Variants in ANO1 observed in about 807,000 individuals in gnomAD.
The protein encoded by ANO1 is anoctamin 1, also known as anoctamin-1.
Under a neutral mutation model 124.0 loss-of-function variants are expected in ANO1, and 59 were observed. That is an observed-to-expected ratio of 0.48 (90% CI 0.39 to 0.59). The LOEUF is 0.59. ANO1 is among the 20% of genes least tolerant of loss of function. ANO1 has a pLI of 0.00. For synonymous variants in ANO1, 529 were observed against 532.0 expected, an observed-to-expected ratio of 0.99 and a Z score of 0.08; for missense variants, 1,059 against 1,328.0, an observed-to-expected ratio of 0.80 and a Z score of 3.15.
intron 10 of ANO1, among the ~76,000 whole-genome samples, chr11:70,128,750 G>C (rs1356031289): frequency 6.6e-6 from 1 of 152,228 alleles, no homozygotes; most frequent in Non-Finnish European, 1.5e-5. Flanking sequence ...AGAGCTTCCT[G>C]CTCTTTGTAT....
chr11:70,108,152 C>T lies in ANO1; in HGVS notation c.748-201C>T, dbSNP rs942404081. The T allele has an allele frequency of 1.6e-5, 8 of 509,304 alleles. No individual in the cohort carries two copies. In the South Asian group the frequency reaches 2.9e-4, roughly 19 times the overall value. The allele number at this position is 509,304 out of a possible 1,614,324, so 31.5% of individuals were successfully genotyped here. On this transcript the variant is annotated intron_variant, in intron 5 of 25. Coordinates refer to ENST00000355303, the MANE Select transcript of ANO1 (RefSeq NM_018043.7). The stretch of plus-strand genomic sequence containing the variant: ...GGTGCACCTGTTTCTCCCTGAGAAG[C>T]TCAAGCCTTTGACAGTGTTGAGAAT...
chr11:69,970,227 C>T, the ANO1 span, among the ~76,000 whole-genome samples: 21 of 152,326 alleles, frequency 1.4e-4, no homozygotes, highest in East Asian at 3.5e-3. Flanking sequence ...TGAGGCTCCA[C>T]ATCAGAAGCC....
At chr11:70,180,331 G>C (rs575561403) in intron 23 of ANO1, among the ~76,000 whole-genome samples, 2 of 152,054 alleles carry the variant, frequency 1.3e-5, no homozygotes, top group Admixed American at 1.3e-4. Context: ...GCAGTACAGT[G>C]GCACGATCTC....
rs1406864064 is a variant in ANO1 at position 70,103,121 on chromosome 11, G to T, written c.497G>T (p.Cys166Phe). Residue 166 changes from cysteine (C) to phenylalanine (F), a missense_variant, in exon 3 of 26, where the codon TGC becomes TTC. This residue lies in a region of ANO1 where 250 missense variants were observed against 233.1 expected (regional missense o/e 1.07). Transcript: ENST00000355303. ...ATCCATGCCCCCTGGAACGTGCTGT[G>T]CAGAGAGGCCGAGTTTCTGAAACTG... is the stretch of plus-strand genomic sequence containing the variant. ...VKIHAPWNVL[C>F]REAEFLKLKM... is the part of the protein sequence containing the mutation. 4 of 1,612,974 alleles carry T rather than the reference G, an allele frequency of 2.5e-6. No individual in the cohort carries two copies. The highest frequency in any genetic ancestry group is 3.4e-6 in the Non-Finnish European group (4 of 1,179,516).
At chr11:69,975,018 GGGAGGGGCTGGAGCT>G in the ANO1 span, among the ~76,000 whole-genome samples, 3 of 152,222 alleles carry the variant, frequency 2.0e-5, no homozygotes, top group Non-Finnish European at 4.4e-5. Context: ...GAGGCAGCCT[GGGAGGGGCTGGAGCT>G]GGAGGGGCTG....
intron 1 of ANO1, among the ~76,000 whole-genome samples, chr11:69,996,202 A>G (rs1856268832): frequency 6.6e-6 from 1 of 152,168 alleles, no homozygotes; most frequent in African/African-American, 2.4e-5. Flanking sequence ...AATCTATGAA[A>G]CTTATGAGAC....
chr11:70,154,995 C>A (rs1297991861), intron 14 of ANO1, among the ~76,000 whole-genome samples: 1 of 152,218 alleles, frequency 6.6e-6, no homozygotes, highest in Non-Finnish European at 1.5e-5. Flanking sequence ...ATCTCTAAGG[C>A]CCTACAAGCA....
chr11:69,974,744 A>G, the ANO1 span, among the ~76,000 whole-genome samples: 1 of 152,162 alleles, frequency 6.6e-6, no homozygotes, highest in Non-Finnish European at 1.5e-5. Flanking sequence ...ATCTGGCCAC[A>G]CCTGTGGCTC....
chr11:70,037,227 A>G (rs1555004503), intron 1 of ANO1, among the ~76,000 whole-genome samples: 1 of 152,090 alleles, frequency 6.6e-6, no homozygotes, highest in African/African-American at 2.4e-5. Context: ...ATTTGCAGGC[A>G]GGGAAGGACA....
In ANO1 at chr11:70,185,701, G is replaced by A. The variant is rs764403857; in HGVS notation, c.2694+6G>A. On this transcript the variant is annotated splice_donor_region_variant and intron_variant, in intron 25 of 25. Transcript: ENST00000355303. ...CGTTTGTCATCGTCTTCCAGGTGCGGTGGGTCCCTCTTTGTTTCCGGTTTG... is the reference window on the plus strand; with the variant it reads ...CGTTTGTCATCGTCTTCCAGGTGCGATGGGTCCCTCTTTGTTTCCGGTTTG... 4.2e-5 allele frequency: 67 copies of A among 1,613,416 alleles called. No homozygotes were observed. The East Asian group carries it at 1.4e-3, about 34-fold the overall frequency.
intron 5 of ANO1, among the ~76,000 whole-genome samples, chr11:70,106,188 G>A (rs1183445254): frequency 6.6e-6 from 1 of 152,152 alleles, no homozygotes; most frequent in Non-Finnish European, 1.5e-5. Context: ...GAGGGTTGGT[G>A]GAGGCAAAGG....
chr11:70,187,955 G>T lies in ANO1; in HGVS notation c.2912G>T (p.Ser971Ile). 6.3e-7 allele frequency: 1 copy of T among 1,575,374 alleles called. No homozygotes were observed. The highest frequency in any genetic ancestry group is 1.3e-5 in the African/African-American group (1 of 74,206). ...CACAACACCAAAGCCTGCCCAGACA[G>T]CCTCGGCAGCCCAGCCCCCAGCCAT... ...NHHNTKACPD[S>I]LGSPAPSHAY... The change falls in exon 26 of 26, where the codon AGC becomes ATC. Residue 971 changes from serine to isoleucine, a missense_variant. Physicochemically the swap from Ser to Ile is moderately radical, Grantham distance 142. This residue lies in a region of ANO1 where 809 missense variants were observed against 1,094.9 expected (regional missense o/e 0.74). Transcript: ENST00000355303.
intron 14 of ANO1, among the ~76,000 whole-genome samples, chr11:70,155,380 C>T (rs927333077): frequency 7.2e-5 from 11 of 152,206 alleles, no homozygotes; most frequent in African/African-American, 2.7e-4. Context: ...CAGAGGCACC[C>T]CCAGGCCCTG....
At chr11:70,033,802 G>A (rs1555004068) in intron 1 of ANO1, among the ~76,000 whole-genome samples, 1 of 152,126 alleles carries the variant, frequency 6.6e-6, no homozygotes, top group African/African-American at 2.4e-5. Context: ...CATTAGAGTG[G>A]AGTCATTGCC....
At chr11:70,052,727 G>A (rs947500839) in intron 1 of ANO1, among the ~76,000 whole-genome samples, 6 of 151,314 alleles carry the variant, frequency 4.0e-5, no homozygotes, top group Non-Finnish European at 5.9e-5. Flanking sequence ...CAATTTTTTT[G>A]TATTTTTAGT....
chr11:70,072,423 A>G (rs1487325476), intron 1 of ANO1: 2 of 152,264 alleles, frequency 1.3e-5, no homozygotes, highest in African/African-American at 4.8e-5. Context: ...GTTCAAGGAA[A>G]AGGCCTTGCA....
At chr11:70,154,470 T>TC (rs1368932425) in intron 14 of ANO1, among the ~76,000 whole-genome samples, 1 of 144,510 alleles carries the variant, frequency 6.9e-6, no homozygotes, top group Non-Finnish European at 1.5e-5. Context: ...CTTTTTTTTT[T>TC]TTTTTTTTTT....
At position 70,188,059 on chromosome 11, in the gene ANO1, C is replaced by T; in HGVS notation, c.*55C>T. ...GGGCATCCTGACCGATGGGCACCCT[C>T]TCCCAGGGCAGGCGGCTTCCCGCTC... On this transcript the variant is annotated 3_prime_UTR_variant, in exon 26 of 26. Transcript: ENST00000355303. 2.6e-6 allele frequency: 4 copies of T among 1,517,154 alleles called. No individual in the cohort carries two copies. Among genetic ancestry groups the T allele is most frequent in the African/African-American group, 2.8e-5 (2 of 72,572 alleles). 94.0% of individuals were successfully genotyped at this position (1,517,154 alleles called of 1,614,324 possible). A position where few individuals can be genotyped will look rare whatever the true frequency, so the allele number is the denominator to read the frequency against.
intron 1 of ANO1, chr11:70,064,016 G>T (rs1398521518): frequency 6.6e-6 from 1 of 152,290 alleles, no homozygotes; most frequent in Non-Finnish European, 1.5e-5. Flanking sequence ...CACAGAGGCT[G>T]TTTCTGTGGC....
Sources: allele counts gnomAD v4.1 joint callset (sites outside exome capture counted in the v4.1 genomes callset), GRCh38; gene constraint gnomAD v4.1.1; regional missense constraint gnomAD v4.1.1; transcripts MANE v1.5; gene names NCBI Gene and HGNC (gene_info 2026-07-23, HGNC 2026-07-21).